Variants in EYA3 observed in about 807,000 individuals in gnomAD.
EYA3 encodes protein phosphatase EYA3.
In EYA3, 39 loss-of-function variants were observed where a neutral mutation model predicts 80.0. That is an observed-to-expected ratio of 0.49 (90% CI 0.38 to 0.64). EYA3 has a LOEUF of 0.64. Among genes scored for constraint, EYA3 ranks in the 30% least tolerant of loss-of-function variants. EYA3 has a pLI of 0.00. For missense variants in EYA3, 523 were observed against 676.1 expected, an observed-to-expected ratio of 0.77 and a Z score of 2.51; for synonymous variants, 206 against 232.8, an observed-to-expected ratio of 0.88 and a Z score of 1.05.
chr1:28,042,535 A>G (rs772905807), intron 4 of EYA3, 36 bp downstream of exon 4: 9 of 1,554,322 alleles, frequency 5.8e-6, no homozygotes, highest in East Asian at 2.3e-5. Context: ...AGTTATAGGA[A>G]TATCTGTTCA....
chr1:28,087,692 T>C (rs1645711697), intron 1 of EYA3, among the ~76,000 whole-genome samples: 1 of 152,248 alleles, frequency 6.6e-6, no homozygotes, highest in Non-Finnish European at 1.5e-5. Flanking sequence ...TTGCCTCAGC[T>C]GTGCACATCC....
chr1:28,036,815 T>A (rs1643480016), intron 5 of EYA3, among the ~76,000 whole-genome samples: 1 of 152,106 alleles, frequency 6.6e-6, no homozygotes, highest in South Asian at 2.1e-4. Flanking sequence ...CATGTAAGCA[T>A]AATAAAATAT....
intron 13 of EYA3, among the ~76,000 whole-genome samples, chr1:27,994,769 C>G (rs1190639939): frequency 6.6e-6 from 1 of 151,874 alleles, no homozygotes; most frequent in Non-Finnish European, 1.5e-5. Context: ...GAGTTTGAGA[C>G]CAGCCTGGGC....
At chr1:28,038,453 A>C (rs993575007) in intron 5 of EYA3, among the ~76,000 whole-genome samples, 3 of 150,834 alleles carry the variant, frequency 2.0e-5, no homozygotes, top group African/African-American at 7.3e-5. Flanking sequence ...AAAAAAAAAA[A>C]AAAAAAAAAA....
At chr1:27,979,512 A>G (rs565041896) in intron 16 of EYA3, among the ~76,000 whole-genome samples, 5 of 152,322 alleles carry the variant, frequency 3.3e-5, no homozygotes, top group African/African-American at 1.2e-4. Flanking sequence ...TTTGAGAAAC[A>G]TGGCAGTGTA....
At chr1:28,008,490 C>T (rs1051628191) in intron 10 of EYA3, among the ~76,000 whole-genome samples, 4 of 151,436 alleles carry the variant, frequency 2.6e-5, no homozygotes, top group African/African-American at 9.7e-5. Context: ...TGCTTCAAAG[C>T]ACAAAAATTG....
At chr1:28,003,312 CAACAAA>C (rs1248840172) in intron 11 of EYA3, among the ~76,000 whole-genome samples, 3 of 138,686 alleles carry the variant, frequency 2.2e-5, no homozygotes, top group African/African-American at 2.7e-5. Flanking sequence ...ACAACAACAA[CAACAAA>C]ATTAGCCAGG....
chr1:27,989,291 T>G (rs1454472852), intron 15 of EYA3, among the ~76,000 whole-genome samples: 1 of 152,162 alleles, frequency 6.6e-6, no homozygotes, highest in Admixed American at 6.5e-5. Context: ...TTAATCTGCT[T>G]AATGTACCCT....
intron 1 of EYA3, among the ~76,000 whole-genome samples, chr1:28,065,661 C>T (rs58678464): frequency 1.6e-3 from 246 of 152,020 alleles, no homozygotes; most frequent in African/African-American, 3.5e-3. Flanking sequence ...TTTGGTGTAT[C>T]TGTATTGCCA....
chr1:27,976,460 AAAAAC>A (rs1448906472), intron 17 of EYA3, among the ~76,000 whole-genome samples: 2 of 152,050 alleles, frequency 1.3e-5, no homozygotes, highest in African/African-American at 2.4e-5. Context: ...ACTCCATCTC[AAAAAC>A]AAAACAAAAC....
intron 14 of EYA3, chr1:27,990,433 A>T (rs1362008083): frequency 6.6e-6 from 1 of 152,422 alleles, no homozygotes; most frequent in Non-Finnish European, 1.5e-5. Context: ...GGGTGCCCCT[A>T]GCATGGCAAC....
In EYA3 at chr1:28,000,148, C is replaced by A. The variant is rs147347765; in HGVS notation, c.994-99G>T. The A allele has an allele frequency of 8.7e-6, 6 of 686,516 alleles. No individual in the cohort carries two copies. In the South Asian group the frequency reaches 8.9e-5, roughly 10 times the overall value. The allele number at this position is 686,516 out of a possible 1,614,324, so 42.5% of individuals were successfully genotyped here. ...TATTTTAGGTCAAGGCCAAAACACA[C>A]GAGCTCCCAACTGTGCTTCAAACTA... On this transcript the variant is annotated intron_variant, in intron 11 of 17. Transcript: ENST00000373871.
intron 3 of EYA3, among the ~76,000 whole-genome samples, chr1:28,047,143 C>CTTT (rs879634856): frequency 7.0e-6 from 1 of 143,856 alleles, no homozygotes; most frequent in Non-Finnish European, 1.5e-5. Context: ...AGTTAAGTTC[C>CTTT]TTTTTTTTTT....
At chr1:28,052,860 G>A (rs377630778) in intron 2 of EYA3, among the ~76,000 whole-genome samples, 30 of 152,194 alleles carry the variant, frequency 2.0e-4, no homozygotes, top group South Asian at 8.3e-4. Context: ...GGAACTACCT[G>A]AACCCGGGAG....
intron 1 of EYA3, among the ~76,000 whole-genome samples, chr1:28,066,603 CAG>C (rs200014840): frequency 0.016 from 2,434 of 151,522 alleles, 59 homozygotes; most frequent in African/African-American, 0.055. Flanking sequence ...TTGGAGAAAA[CAG>C]AACAGTAAGC....
chr1:27,978,420 T>A lies in EYA3; in HGVS notation c.1595A>T (p.Tyr532Phe). 1 of 1,614,196 alleles carries A rather than the reference T, an allele frequency of 6.2e-7. No individual in the cohort carries two copies. Among genetic ancestry groups the A allele is most frequent in the South Asian group, 1.1e-5 (1 of 91,084 alleles). The change falls in exon 17 of 18, where the codon TAT (tyrosine) becomes TTT (phenylalanine). Residue 532 changes from tyrosine (Y) to phenylalanine (F), a missense_variant. Tyr to Phe is a conservative substitution (Grantham distance 22). Transcript: ENST00000373871. ...IVSRFGKKVTYVVIGDGRDEE... is the reference protein window; with the variant it reads ...IVSRFGKKVTFVVIGDGRDEE... ...ATCTCGTCCATCTCCAATCACTACA[T>A]ATGTGACTTTCTTTCCAAACCTTGA...
chr1:28,064,661 A>T (rs1484407473), intron 1 of EYA3, among the ~76,000 whole-genome samples: 2 of 151,734 alleles, frequency 1.3e-5, no homozygotes, highest in Non-Finnish European at 2.9e-5. Flanking sequence ...TATTTTTTTT[A>T]TTTTTTTAAG....
rs1199531665 is a variant in EYA3 at position 28,009,363 on chromosome 1, TATGGTAGGCAGGGC to T, written c.909+1570_909+1583del. 2.0e-5 allele frequency among the ~76,000 whole-genome samples: 3 copies of T among 151,960 alleles called. No homozygotes were observed. Among genetic ancestry groups the T allele is most frequent in the Non-Finnish European group, 2.9e-5 (2 of 67,990 alleles). On this transcript the variant is annotated intron_variant, in intron 10 of 17. Transcript: ENST00000373871. This position sits in a 1 kb window ranked among gnomAD's most constrained non-coding sequence, Gnocchi z 4.8. ...CAACATGGATGAACCTTAAAAACATTATGGTAGGCAGGGCATGGTGGCTCACGTCTGTAATCCCA... is the reference window on the plus strand; with the variant it reads ...CAACATGGATGAACCTTAAAAACATTATGGTGGCTCACGTCTGTAATCCCA...
At chr1:28,078,160 A>G (rs1645289320) in intron 1 of EYA3, among the ~76,000 whole-genome samples, 1 of 152,256 alleles carries the variant, frequency 6.6e-6, no homozygotes, top group East Asian at 1.9e-4. Context: ...ATGAAAGTCA[A>G]TTCACTAACT....
Sources: allele counts gnomAD v4.1 joint callset (sites outside exome capture counted in the v4.1 genomes callset), GRCh38; gene constraint gnomAD v4.1.1; non-coding constraint Gnocchi (gnomAD v3.1); transcripts MANE v1.5; gene names NCBI Gene and HGNC (gene_info 2026-07-23, HGNC 2026-07-21).